The following HS6ST2 variants were observed in gnomAD, a reference collection of about 807,000 sequenced individuals.
HS6ST2 encodes the protein heparan-sulfate 6-O-sulfotransferase 2.
A neutral mutation model predicts 33.0 loss-of-function variants in HS6ST2; 17 were observed. That is an observed-to-expected ratio of 0.52 (90% CI 0.35 to 0.77). The LOEUF (loss-of-function observed/expected upper bound fraction) is 0.77, where lower values mean the gene tolerates loss of function less well. Among genes scored for constraint, HS6ST2 ranks in the 30% least tolerant of loss-of-function variants. The pLI, the probability that HS6ST2 is intolerant of heterozygous loss-of-function variation, is 0.01. For synonymous variants in HS6ST2, 248 were observed against 237.1 expected (o/e 1.05, Z -0.42); for missense variants, 519 against 551.7 (o/e 0.94, Z 0.59).
rs751780254 is a variant in HS6ST2, at chrX:132,733,886, C to A, written c.948-25392G>T. Among the ~76,000 whole-genome samples the A allele has an allele frequency of 1.6e-4, 17 of 107,807 alleles. No homozygotes were observed. The South Asian group carries it at 3.9e-3, about 24-fold the overall frequency. The allele number at this position is 107,807 out of a possible 115,157, so 93.6% of individuals were successfully genotyped here. ...AAGCACAGAGATTAAGCTACTTACCCACGATCAAAGCTAGCAAATGGTAGA... is the reference window on the plus strand; with the variant it reads ...AAGCACAGAGATTAAGCTACTTACCAACGATCAAAGCTAGCAAATGGTAGA... On this transcript the variant is annotated intron_variant, in intron 2 of 4. Coordinates refer to ENST00000370833, the MANE Select transcript of HS6ST2 (RefSeq NM_001394073.1).
chrX:132,884,796 A>G (rs778974380), intron 2 of HS6ST2, among the ~76,000 whole-genome samples: 3 of 111,277 alleles, frequency 2.7e-5, no homozygotes, highest in Non-Finnish European at 5.7e-5. Context: ...AGAAGATGAA[A>G]TGACTGGTAA....
intron 3 of HS6ST2, among the ~76,000 whole-genome samples, chrX:132,674,128 T>C (rs2063906922): frequency 8.9e-6 from 1 of 111,763 alleles, no homozygotes; most frequent in Non-Finnish European, 1.9e-5. Flanking sequence ...GATAGTTCAG[T>C]TCATTGAGAT....
chrX:132,862,509 T>C (rs1383670865), intron 2 of HS6ST2, among the ~76,000 whole-genome samples: 3 of 112,424 alleles, frequency 2.7e-5, no homozygotes, highest in African/African-American at 9.7e-5. Flanking sequence ...GTAGCTTCTC[T>C]ACATGTAATA....
intron 2 of HS6ST2, among the ~76,000 whole-genome samples, chrX:132,864,088 A>G (rs1219089549): frequency 9.0e-6 from 1 of 110,915 alleles, no homozygotes; most frequent in African/African-American, 3.3e-5. Context: ...GAGAAACCCC[A>G]TATGAAGCTC....
chrX:132,936,867 G>GAAA (rs1178343279), intron 2 of HS6ST2, among the ~76,000 whole-genome samples: 1 of 85,405 alleles, frequency 1.2e-5, no homozygotes, highest in East Asian at 3.5e-4. Flanking sequence ...AGTTGAGAAA[G>GAAA]AAAAAAAAAA....
intron 2 of HS6ST2, among the ~76,000 whole-genome samples, chrX:132,752,543 C>A (rs893983161): frequency 9.0e-6 from 1 of 110,661 alleles, no homozygotes; most frequent in African/African-American, 3.3e-5. Context: ...ACTCAGACTG[C>A]CTAGCTTTGA....
upstream of HS6ST2, among the ~76,000 whole-genome samples, chrX:132,960,864 G>A (rs2067137106): frequency 8.9e-6 from 1 of 111,787 alleles, no homozygotes; most frequent in Non-Finnish European, 1.9e-5. Flanking sequence ...AACAGTCTTT[G>A]TGGGGAGCAG....
intron 2 of HS6ST2, among the ~76,000 whole-genome samples, chrX:132,896,437 C>A (rs1159113199): frequency 9.4e-6 from 1 of 105,966 alleles, no homozygotes; most frequent in Non-Finnish European, 1.9e-5. Context: ...TGCCACTGCA[C>A]TCCATCCTGG....
intron 4 of HS6ST2, among the ~76,000 whole-genome samples, chrX:132,638,895 C>G (rs943214357): frequency 8.9e-6 from 1 of 112,174 alleles, no homozygotes; most frequent in African/African-American, 3.2e-5. Flanking sequence ...CATACCTCAC[C>G]CAAAGGACCA....
At chrX:132,891,599 T>C (rs943098405) in intron 2 of HS6ST2, among the ~76,000 whole-genome samples, 13 of 109,981 alleles carry the variant, frequency 1.2e-4, no homozygotes, top group Non-Finnish European at 2.5e-4. Context: ...TGTGTTCTCA[T>C]TGTTCAATTC....
rs989006877 is a variant in HS6ST2 at position 132,628,273 on chromosome X, T to C, written c.1888A>G (p.Thr630Ala). The change falls in exon 5 of 5, where the codon ACC becomes GCC. Residue 630 changes from threonine to alanine, a missense_variant. Transcript: ENST00000370833. ...ATGTAGTCGTTGGTGCCATTGCTGG[T>C]GTTATCATTCTGCTCCTTGCCTGAG... ...QNSGKEQNDN[T>A]SNGTNDYIGS... The C allele has an allele frequency of 1.0e-5, 12 of 1,167,567 alleles. No individual in the cohort carries two copies. The highest frequency in any genetic ancestry group is 1.9e-5 in the South Asian group (1 of 52,680).
chrX:132,872,173 G>A (rs2066067502), intron 2 of HS6ST2, among the ~76,000 whole-genome samples: 1 of 111,527 alleles, frequency 9.0e-6, no homozygotes, highest in Admixed American at 9.6e-5. Flanking sequence ...CACATCGGTT[G>A]TCCTTTATTG....
At position 132,659,854 on chromosome X, in the gene HS6ST2, G is replaced by A. The variant is rs1014159262; in HGVS notation, c.1067+9259C>T. On this transcript the variant is annotated intron_variant, in intron 4 of 4. Transcript: ENST00000370833. The stretch of plus-strand genomic sequence containing the variant: ...AACAAGATAATATGTAAAGCATCTC[G>A]CACAGTGTTGGACACACAGAAAGTA... 6.1e-4 allele frequency among the ~76,000 whole-genome samples: 68 copies of A among 111,606 alleles called. 1 individual carries two copies. Among genetic ancestry groups the A allele is most frequent in the African/African-American group, 2.0e-3 (63 of 30,796 alleles).
intron 2 of HS6ST2, among the ~76,000 whole-genome samples, chrX:132,930,115 C>CA (rs1035069128): frequency 3.7e-5 from 4 of 106,859 alleles, no homozygotes; most frequent in Admixed American, 2.0e-4. Flanking sequence ...TTCTGGGAAG[C>CA]TTTTTTTTTT....
At chrX:132,894,206 A>G (rs1480299396) in intron 2 of HS6ST2, among the ~76,000 whole-genome samples, 1 of 108,212 alleles carries the variant, frequency 9.2e-6, no homozygotes, top group East Asian at 2.9e-4. Context: ...CAATGGCGCA[A>G]TCTCAGCTCA....
intron 2 of HS6ST2, among the ~76,000 whole-genome samples, chrX:132,782,397 T>G (rs1053519385): frequency 4.5e-5 from 5 of 111,813 alleles, no homozygotes; most frequent in Non-Finnish European, 9.4e-5. Context: ...AGAAGGCTCT[T>G]GAAAAGAATC....
chrX:132,892,320 T>C (rs1169776624), intron 2 of HS6ST2, among the ~76,000 whole-genome samples: 3 of 112,268 alleles, frequency 2.7e-5, no homozygotes, highest in African/African-American at 6.5e-5. Flanking sequence ...ATGTGGTCCA[T>C]GGATCAGTAG....
intron 2 of HS6ST2, among the ~76,000 whole-genome samples, chrX:132,785,853 C>T (rs984363474): frequency 9.0e-6 from 1 of 111,495 alleles, no homozygotes; most frequent in Non-Finnish European, 1.9e-5. Flanking sequence ...GAGGGAGCAC[C>T]GTCGAGTTCT....
chrX:132,918,243 GT>G (rs2066614581), intron 2 of HS6ST2, among the ~76,000 whole-genome samples: 2 of 112,376 alleles, frequency 1.8e-5, no homozygotes, highest in Admixed American at 1.9e-4. Context: ...CAATGAACAT[GT>G]CACTCTCACT....
Sources: allele counts gnomAD v4.1 joint callset (sites outside exome capture counted in the v4.1 genomes callset), GRCh38; gene constraint gnomAD v4.1.1; transcripts MANE v1.5; gene names NCBI Gene and HGNC (gene_info 2026-07-23, HGNC 2026-07-21).